The following DPH6 variants were observed in gnomAD, a reference collection of about 807,000 sequenced individuals.
DPH6 encodes diphthine--ammonia ligase.
A neutral mutation model predicts 38.2 loss-of-function variants in DPH6; 33 were observed. That is an observed-to-expected ratio of 0.86 (90% CI 0.65 to 1.15). The LOEUF (loss-of-function observed/expected upper bound fraction) is 1.15, where lower values mean the gene tolerates loss of function less well. Ranked by LOEUF, DPH6 falls within the 50% of genes most tolerant of loss-of-function variation. The pLI is 0.00. For missense variants in DPH6, 325 were observed against 320.0 expected, an observed-to-expected ratio of 1.02 and a Z score of -0.12; for synonymous variants, 108 against 103.0, an observed-to-expected ratio of 1.05 and a Z score of -0.30.
chr15:35,325,216 A>G (rs1470158255), intron 3 of DPH6, among the ~76,000 whole-genome samples: 4 of 152,134 alleles, frequency 2.6e-5, no homozygotes, highest in South Asian at 2.1e-4. Flanking sequence ...TTTTTATTCA[A>G]ATTGACAAAC....
chr15:35,156,831 T>G, the DPH6 span, among the ~76,000 whole-genome samples: 1 of 152,148 alleles, frequency 6.6e-6, no homozygotes, highest in Non-Finnish European at 1.5e-5. Flanking sequence ...ACCTACACAT[T>G]TATGGGAGTT....
At chr15:35,279,066 A>ATATATATATATATATATATATATATAT (rs3028680) in intron 3 of DPH6, among the ~76,000 whole-genome samples, 1 of 98,020 alleles carries the variant, frequency 1.0e-5, no homozygotes, top group African/African-American at 5.0e-5. Context: ...AAAAAAAAAA[A>ATATATATATATATATATATATATATAT]AAATATATAT....
the DPH6 span, among the ~76,000 whole-genome samples, chr15:35,151,470 C>T: frequency 6.6e-6 from 1 of 152,232 alleles, no homozygotes; most frequent in African/African-American, 2.4e-5. Context: ...TTTTGTTTAA[C>T]ACTGATGAGA....
chr15:35,181,196 G>A, the DPH6 span, among the ~76,000 whole-genome samples: 2 of 151,934 alleles, frequency 1.3e-5, no homozygotes, highest in African/African-American at 4.8e-5. Flanking sequence ...ACATTTTGTA[G>A]TATTTACAGA....
the DPH6 span, among the ~76,000 whole-genome samples, chr15:35,177,367 G>A: frequency 1.3e-5 from 2 of 151,694 alleles, no homozygotes; most frequent in Non-Finnish European, 2.9e-5. Flanking sequence ...TTGAGGCCAG[G>A]AGCTCGAGAT....
At chr15:35,220,844 T>C (rs1029412700) in intron 3 of DPH6, among the ~76,000 whole-genome samples, 2 of 152,160 alleles carry the variant, frequency 1.3e-5, no homozygotes, top group African/African-American at 4.8e-5. Context: ...ATTCCACCTC[T>C]AGCCTCCCAA....
At chr15:35,540,748 G>T (rs2055240739) in intron 2 of DPH6, among the ~76,000 whole-genome samples, 1 of 151,962 alleles carries the variant, frequency 6.6e-6, no homozygotes, top group African/African-American at 2.4e-5. Context: ...CACCCTGCTG[G>T]TGAACCATGA....
At chr15:35,493,294 T>C (rs568681750) in intron 3 of DPH6, among the ~76,000 whole-genome samples, 2 of 152,264 alleles carry the variant, frequency 1.3e-5, no homozygotes, top group Admixed American at 6.5e-5. Context: ...ACAAAAGAAT[T>C]ATACTTCACA....
the DPH6 span, among the ~76,000 whole-genome samples, chr15:35,165,340 G>A: frequency 1.3e-5 from 2 of 151,806 alleles, no homozygotes; most frequent in African/African-American, 4.8e-5. Context: ...GTTCACTTTG[G>A]TGGAACACTC....
chr15:35,342,713 G>C (rs2052431586), intron 3 of DPH6, among the ~76,000 whole-genome samples: 1 of 152,054 alleles, frequency 6.6e-6, no homozygotes, highest in African/African-American at 2.4e-5. Context: ...AAGAAGATTA[G>C]AAAAAATGTT....
intron 3 of DPH6, among the ~76,000 whole-genome samples, chr15:35,234,312 G>C (rs1477985760): frequency 6.6e-6 from 1 of 152,192 alleles, no homozygotes; most frequent in Non-Finnish European, 1.5e-5. Context: ...TTGTGTGCAG[G>C]TGTGGGGTGA....
At chr15:35,364,634 A>T (rs965895614) in intron 3 of DPH6, among the ~76,000 whole-genome samples, 5 of 152,064 alleles carry the variant, frequency 3.3e-5, no homozygotes, top group African/African-American at 1.2e-4. Flanking sequence ...ACTGTCTTCA[A>T]TATTTCCATT....
intron 3 of DPH6, among the ~76,000 whole-genome samples, chr15:35,497,480 C>T (rs902181204): frequency 2.6e-5 from 4 of 152,158 alleles, no homozygotes; most frequent in Non-Finnish European, 5.9e-5. Flanking sequence ...CAACAAGTTT[C>T]CTTGCCCTAA....
chr15:35,224,856 G>C (rs1440486679), intron 3 of DPH6, among the ~76,000 whole-genome samples: 4 of 152,166 alleles, frequency 2.6e-5, no homozygotes, highest in African/African-American at 9.7e-5. Context: ...AGGTAATACA[G>C]AGAATTCCTG....
intron 3 of DPH6, among the ~76,000 whole-genome samples, chr15:35,472,339 A>G (rs1246474213): frequency 6.6e-6 from 1 of 152,204 alleles, no homozygotes; most frequent in Non-Finnish European, 1.5e-5. Context: ...GGAACCCAGG[A>G]ACCAGGTACC....
the DPH6 span, among the ~76,000 whole-genome samples, chr15:35,183,594 T>G: frequency 6.6e-6 from 1 of 152,216 alleles, no homozygotes; most frequent in Non-Finnish European, 1.5e-5. Flanking sequence ...AAACAGAGGC[T>G]TCAAGTCTGG....
intron 3 of DPH6, among the ~76,000 whole-genome samples, chr15:35,514,808 A>G (rs184105191): frequency 2.1e-3 from 324 of 152,348 alleles, no homozygotes; most frequent in African/African-American, 7.2e-3. Flanking sequence ...GTGAAGAATT[A>G]TAAGTCCCCA....
chr15:35,383,484 G>A (rs1294138609), intron 6 of DPH6, among the ~76,000 whole-genome samples: 1 of 152,204 alleles, frequency 6.6e-6, no homozygotes. Context: ...AAGATAACGA[G>A]ACAACCTTCT....
At chr15:35,427,012 A>C (rs533080260) in intron 5 of DPH6, among the ~76,000 whole-genome samples, 1 of 128,838 alleles carries the variant, frequency 7.8e-6, no homozygotes, top group African/African-American at 3.6e-5. Flanking sequence ...ATCTAAAAAA[A>C]AAAAAAGATA....
Sources: gnomAD v4.1 joint callset for allele counts (sites outside exome capture counted in the v4.1 genomes callset) on GRCh38, gnomAD v4.1.1 for gene constraint, MANE v1.5 for transcripts, NCBI Gene and HGNC (gene_info 2026-07-23, HGNC 2026-07-21) for gene names.